Variants in PTPRT observed in about 807,000 individuals in gnomAD.
PTPRT encodes the protein protein tyrosine phosphatase receptor type T, also known as receptor-type tyrosine-protein phosphatase T.
In PTPRT, 56 loss-of-function variants were observed where a neutral mutation model predicts 176.8. That is an observed-to-expected ratio of 0.32 (90% CI 0.26 to 0.40). PTPRT has a LOEUF of 0.40. PTPRT is among the 10% of genes least tolerant of loss of function. The probability of loss-of-function intolerance (pLI) is 1.00; values close to 1 mark genes in which losing one functional copy is unlikely to be tolerated. For missense variants in PTPRT, 1,540 were observed against 1,908.2 expected (o/e 0.81, Z 3.60); for synonymous variants, 783 against 739.0 (o/e 1.06, Z -0.96).
chr20:42,283,716 G>A (rs908849743), intron 12 of PTPRT, among the ~76,000 whole-genome samples: 3 of 151,998 alleles, frequency 2.0e-5, no homozygotes, highest in African/African-American at 7.2e-5. Flanking sequence ...AATCAGAAGC[G>A]ACACTTTCAC....
At chr20:42,103,736 G>A (rs1986163484) in intron 25 of PTPRT, among the ~76,000 whole-genome samples, 1 of 152,210 alleles carries the variant, frequency 6.6e-6, no homozygotes, top group South Asian at 2.1e-4. Context: ...GAGAGGACCT[G>A]AGTCCCTCCA....
intron 15 of PTPRT, among the ~76,000 whole-genome samples, chr20:42,218,463 G>T (rs775326363): frequency 6.6e-6 from 1 of 152,164 alleles, no homozygotes; most frequent in Non-Finnish European, 1.5e-5. Context: ...TGTTAGGTTT[G>T]CCCTAGGCCC....
At chr20:42,330,280 C>T (rs1209258981) in intron 11 of PTPRT, among the ~76,000 whole-genome samples, 3 of 151,886 alleles carry the variant, frequency 2.0e-5, no homozygotes, top group Admixed American at 6.6e-5. Flanking sequence ...ACACTAGCCT[C>T]GCCAACATCG....
At chr20:43,034,377 T>C (rs990434207) in intron 1 of PTPRT, among the ~76,000 whole-genome samples, 8 of 152,068 alleles carry the variant, frequency 5.3e-5, no homozygotes, top group Admixed American at 5.2e-4. Context: ...CGATTGCTAC[T>C]GCTGTTACCT....
At chr20:42,083,731 T>C (rs181562469) in intron 29 of PTPRT, among the ~76,000 whole-genome samples, 167 of 152,310 alleles carry the variant, frequency 1.1e-3, no homozygotes, top group African/African-American at 3.9e-3. Context: ...GAGAAGACCT[T>C]CGTTCAAATT....
intron 15 of PTPRT, among the ~76,000 whole-genome samples, chr20:42,204,524 G>A (rs1357908776): frequency 4.6e-5 from 7 of 152,198 alleles, no homozygotes; most frequent in Non-Finnish European, 7.3e-5. Context: ...TTCCTTTGCA[G>A]GAACATTTCC....
chr20:42,984,025 A>G (rs544343444), intron 1 of PTPRT, among the ~76,000 whole-genome samples: 3 of 152,268 alleles, frequency 2.0e-5, no homozygotes, highest in Admixed American at 1.3e-4. Flanking sequence ...GCAGGATACC[A>G]CCATGTTCGC....
intron 15 of PTPRT, among the ~76,000 whole-genome samples, chr20:42,220,742 ACCC>A (rs2055867018): frequency 2.0e-5 from 3 of 152,140 alleles, no homozygotes; most frequent in Non-Finnish European, 4.4e-5. Context: ...CCAAGGTACA[ACCC>A]TTTTTATAGG....
intron 7 of PTPRT, among the ~76,000 whole-genome samples, chr20:42,641,836 A>T (rs2074761357): frequency 6.6e-6 from 1 of 152,094 alleles, no homozygotes; most frequent in Non-Finnish European, 1.5e-5. Flanking sequence ...CGACAGAGGG[A>T]GCAATGCTTG....
At position 42,409,444 on chromosome 20, in the gene PTPRT, T is replaced by C. The variant is rs143444047; in HGVS notation, c.1560+38776A>G. On this transcript the variant is annotated intron_variant, in intron 9 of 30. Coordinates refer to ENST00000373187, the MANE Select transcript of PTPRT (RefSeq NM_007050.6). ...TTGCAGTGAGCCGAGATCGTGCCAC[T>C]GTACTCCAGCCTGGGCAACAGAACG... Among the ~76,000 whole-genome samples, 1,013 of 132,086 alleles carry C rather than the reference T, an allele frequency of 7.7e-3. 7 individuals carry two copies. Among genetic ancestry groups the C allele is most frequent in the Admixed American group, 0.011 (124 of 11,582 alleles). 86.7% of individuals were successfully genotyped at this position (132,086 alleles called of 152,430 possible). A position where few individuals can be genotyped will look rare whatever the true frequency, so the allele number is the denominator to read the frequency against.
chr20:42,645,377 T>A (rs990994307), intron 7 of PTPRT, among the ~76,000 whole-genome samples: 1 of 152,190 alleles, frequency 6.6e-6, no homozygotes, highest in Non-Finnish European at 1.5e-5. Flanking sequence ...TTCTAAGGTA[T>A]ATGTGTGTCC....
chr20:42,763,269 A>G (rs1438084314), intron 5 of PTPRT, among the ~76,000 whole-genome samples: 1 of 152,218 alleles, frequency 6.6e-6, no homozygotes, highest in Non-Finnish European at 1.5e-5. Flanking sequence ...AATGGCTGTC[A>G]TTATTTCAGA....
At chr20:42,196,695 C>A (rs1432282927) in intron 16 of PTPRT, among the ~76,000 whole-genome samples, 1 of 152,134 alleles carries the variant, frequency 6.6e-6, no homozygotes, top group Non-Finnish European at 1.5e-5. Context: ...TGTCAACAAC[C>A]AATTTCCCTG....
chr20:42,107,221 CTCTTCTTTTT>C (rs3091711), intron 23 of PTPRT, among the ~76,000 whole-genome samples: 28,106 of 152,068 alleles, frequency 0.18, 2,996 homozygotes, highest in Middle Eastern at 0.31. Flanking sequence ...CCCTTCTTTT[CTCTTCTTTTT>C]TCTTCTTCAG....
At chr20:42,300,257 C>CAAAAAA (rs761176814) in intron 12 of PTPRT, among the ~76,000 whole-genome samples, 12 of 49,600 alleles carry the variant, frequency 2.4e-4, no homozygotes, top group Non-Finnish European at 2.7e-4. Context: ...AACTCCGTCT[C>CAAAAAA]AAAAAAAAAA....
intron 13 of PTPRT, among the ~76,000 whole-genome samples, chr20:42,255,068 G>A (rs1444915148): frequency 6.6e-6 from 1 of 152,036 alleles, no homozygotes; most frequent in East Asian, 1.9e-4. Context: ...AAGGACAAGA[G>A]CTGGCTGGAA....
intron 1 of PTPRT, among the ~76,000 whole-genome samples, chr20:43,080,010 A>C (rs530711084): frequency 6.6e-6 from 1 of 152,286 alleles, no homozygotes; most frequent in African/African-American, 2.4e-5. Flanking sequence ...TAGATTGAGA[A>C]CATTTCCTTC....
intron 7 of PTPRT, among the ~76,000 whole-genome samples, chr20:42,570,527 C>T (rs2073136066): frequency 6.6e-6 from 1 of 152,146 alleles, no homozygotes; most frequent in Non-Finnish European, 1.5e-5. Context: ...GTGAGAGGCT[C>T]ATAATTAATA....
At chr20:42,868,047 C>T (rs1210667077) in intron 2 of PTPRT, among the ~76,000 whole-genome samples, 1 of 151,930 alleles carries the variant, frequency 6.6e-6, no homozygotes, top group South Asian at 2.1e-4. Context: ...AAATTAATAC[C>T]GAGAAGTAGA....
Sources: allele counts gnomAD v4.1 joint callset (sites outside exome capture counted in the v4.1 genomes callset), GRCh38; gene constraint gnomAD v4.1.1; transcripts MANE v1.5; gene names NCBI Gene and HGNC (gene_info 2026-07-23, HGNC 2026-07-21).